The following CLVS1 variants were observed in gnomAD, a reference collection of about 807,000 sequenced individuals.
CLVS1 encodes clavesin-1.
Under a neutral mutation model 33.1 loss-of-function variants are expected in CLVS1, and 10 were observed. The ratio of observed to expected loss-of-function variants is 0.30; its 90% CI spans 0.19 to 0.51. The LOEUF (loss-of-function observed/expected upper bound fraction) is 0.51, where lower values mean the gene tolerates loss of function less well. Ranked by LOEUF, CLVS1 falls within the 20% of genes least tolerant of loss-of-function variation. The probability of loss-of-function intolerance (pLI) is 0.97; values close to 1 mark genes in which losing one functional copy is unlikely to be tolerated. For missense variants in CLVS1, 343 were observed against 433.4 expected (o/e 0.79, Z 1.85); for synonymous variants, 163 against 166.1 (o/e 0.98, Z 0.14).
At chr8:61,231,286 G>GCACA (rs4033613) in intron 2 of CLVS1, among the ~76,000 whole-genome samples, 16,753 of 149,982 alleles carry the variant, frequency 0.11, 1,172 homozygotes, top group African/African-American at 0.2. Context: ...ACCTGTGCTT[G>GCACA]CACACACACA....
intron 2 of CLVS1, among the ~76,000 whole-genome samples, chr8:61,340,586 A>G (rs1811996161): frequency 6.6e-6 from 1 of 152,178 alleles, no homozygotes; most frequent in Non-Finnish European, 1.5e-5. Flanking sequence ...TCATTCATCC[A>G]TTGATGGACG....
intron 1 of CLVS1, among the ~76,000 whole-genome samples, chr8:61,115,607 G>A (rs1222827616): frequency 2.0e-5 from 3 of 151,424 alleles, no homozygotes; most frequent in Non-Finnish European, 4.4e-5. Context: ...TCCCACCTAT[G>A]AGTGAGAATA....
chr8:61,226,807 A>C (rs973257071), intron 2 of CLVS1, among the ~76,000 whole-genome samples: 4 of 152,136 alleles, frequency 2.6e-5, no homozygotes, highest in Admixed American at 6.6e-5. Context: ...CAGCAGTGAT[A>C]ACTCACACCC....
chr8:61,082,499 A>AAAC (rs71559325), intron 1 of CLVS1, among the ~76,000 whole-genome samples: 45,057 of 151,422 alleles, frequency 0.3, 7,101 homozygotes, highest in East Asian at 0.58. Flanking sequence ...AAACAAACAA[A>AAAC]AACAACAACA....
rs780185085 is a variant in CLVS1 at position 61,075,700 on chromosome 8, C to G, written c.-243+18470C>G. Among the ~76,000 whole-genome samples, 96 of 152,308 alleles carry G rather than the reference C, an allele frequency of 6.3e-4. 1 individual carries two copies. The highest frequency in any genetic ancestry group is 2.3e-3 in the African/African-American group (95 of 41,574). ...ACCCTTTTTCACCTTCCCCCTTTTA[C>G]GTTTCCTCCTCTGTCTTGGCCCAGC... On this transcript the variant is annotated intron_variant, in intron 1 of 2. Coordinates refer to the CLVS1 transcript ENST00000522621.
At chr8:61,025,871 G>A in the CLVS1 span, among the ~76,000 whole-genome samples, 1 of 152,174 alleles carries the variant, frequency 6.6e-6, no homozygotes, top group Non-Finnish European at 1.5e-5. Context: ...AGTTGGCCAA[G>A]AAACACAGGC....
At position 61,300,268 on chromosome 8, in the gene CLVS1, T is replaced by C. The variant is rs199797149; in HGVS notation, c.441T>C (p.Asn147=). 1.1e-4 allele frequency: 182 copies of C among 1,613,528 alleles called. No individual in the cohort carries two copies. Among genetic ancestry groups the C allele is most frequent in the Non-Finnish European group, 1.3e-4 (159 of 1,179,738 alleles). ...AGATTCTTTTGCTGTTTGCAGCCAA[T>C]TGGGATCAGAGTAGGTAAATGTAGA... is the stretch of plus-strand genomic sequence containing the variant. The part of the protein sequence containing the change: ...GRKILLLFAA[N]WDQSRNSFTD... Residue 147 remains asparagine, a synonymous_variant, in exon 2 of 6, where the codon AAT becomes AAC. Coordinates refer to ENST00000325897, the MANE Select transcript of CLVS1 (RefSeq NM_173519.3).
intron 2 of CLVS1, among the ~76,000 whole-genome samples, chr8:61,239,881 T>C (rs1368071465): frequency 6.6e-6 from 1 of 152,204 alleles, no homozygotes; most frequent in East Asian, 1.9e-4. Flanking sequence ...ATCTCCTTGT[T>C]TGGAAAATAA....
At chr8:61,077,439 A>AAGT (rs778911628) in intron 1 of CLVS1, among the ~76,000 whole-genome samples, 19 of 129,524 alleles carry the variant, frequency 1.5e-4, no homozygotes, top group South Asian at 2.6e-4. Flanking sequence ...GACCCTCTAA[A>AAGT]AGTATTATTA....
chr8:61,203,359 T>G, intron 2 of CLVS1: 1 of 575,066 alleles, frequency 1.7e-6, no homozygotes, highest in South Asian at 1.9e-5. Flanking sequence ...TTGTCCAGGT[T>G]CTATTGCCAA....
intron 1 of CLVS1, among the ~76,000 whole-genome samples, chr8:61,065,997 C>G (rs1472386530): frequency 6.6e-6 from 1 of 152,138 alleles, no homozygotes; most frequent in African/African-American, 2.4e-5. Context: ...ACATAACATA[C>G]AGCATGATCA....
At chr8:61,246,167 CTTTTTTTTTTTTTTT>C (rs1188366643) in intron 2 of CLVS1, among the ~76,000 whole-genome samples, 2 of 82,210 alleles carry the variant, frequency 2.4e-5, no homozygotes, top group African/African-American at 9.2e-5. Context: ...TCCTTCCCAA[CTTTTTTTTTTTTTTT>C]TTTTTTTTTT....
chr8:61,174,783 A>ATGAAGGTAG (rs1386887854), intron 2 of CLVS1, among the ~76,000 whole-genome samples: 1 of 110,560 alleles, frequency 9.0e-6, no homozygotes, highest in Non-Finnish European at 2.0e-5. Flanking sequence ...CTGAACCCTC[A>ATGAAGGTAG]TGAAGGTAGG....
At chr8:61,204,344 A>T (rs1460155281) in intron 2 of CLVS1, among the ~76,000 whole-genome samples, 3 of 152,232 alleles carry the variant, frequency 2.0e-5, no homozygotes, top group Non-Finnish European at 4.4e-5. Flanking sequence ...AAGTACAGAG[A>T]GACTGCTTTT....
chr8:61,406,450 C>T (rs1194128693), intron 3 of CLVS1, among the ~76,000 whole-genome samples: 1 of 152,178 alleles, frequency 6.6e-6, no homozygotes, highest in Non-Finnish European at 1.5e-5. Context: ...AAGTTGCGTT[C>T]CAGCTCCTTT....
At chr8:61,473,711 A>G (rs566571763) in intron 5 of CLVS1, among the ~76,000 whole-genome samples, 1 of 152,342 alleles carries the variant, frequency 6.6e-6, no homozygotes, top group South Asian at 2.1e-4. Context: ...TGAATAGAAT[A>G]AACAAGATCT....
chr8:61,303,522 A>C (rs1231286373), intron 2 of CLVS1, among the ~76,000 whole-genome samples: 1 of 152,206 alleles, frequency 6.6e-6, no homozygotes, highest in Admixed American at 6.5e-5. Flanking sequence ...TTTTCAAAGT[A>C]ATCTCTTTTT....
chr8:61,066,981 C>T (rs1387357034), intron 1 of CLVS1, among the ~76,000 whole-genome samples: 5 of 152,044 alleles, frequency 3.3e-5, no homozygotes, highest in Non-Finnish European at 5.9e-5. Context: ...CAAACACACA[C>T]TGAGCACGTG....
At chr8:61,209,686 T>G (rs73684425) in intron 2 of CLVS1, among the ~76,000 whole-genome samples, 1 of 150,892 alleles carries the variant, frequency 6.6e-6, no homozygotes, top group Non-Finnish European at 1.5e-5. Flanking sequence ...AAAGAGAAGA[T>G]TTAAGGAAAA....
Sources: allele counts gnomAD v4.1 joint callset (sites outside exome capture counted in the v4.1 genomes callset), GRCh38; gene constraint gnomAD v4.1.1; transcripts MANE v1.5; gene names NCBI Gene and HGNC (gene_info 2026-07-23, HGNC 2026-07-21).